Variants in SEZ6L observed in about 807,000 individuals in gnomAD.
SEZ6L encodes the protein seizure 6-like protein.
In SEZ6L, 37 loss-of-function variants were observed where a neutral mutation model predicts 106.2. That is an observed-to-expected ratio of 0.35 (90% CI 0.27 to 0.46). The LOEUF is 0.46. Ranked by LOEUF, SEZ6L falls within the 20% of genes least tolerant of loss-of-function variation. The pLI is 1.00. For synonymous variants in SEZ6L, 541 were observed against 570.4 expected, an observed-to-expected ratio of 0.95 and a Z score of 0.73; for missense variants, 1,172 against 1,332.8, an observed-to-expected ratio of 0.88 and a Z score of 1.88.
At chr22:26,374,247 C>T (rs1471022984) in intron 14 of SEZ6L, among the ~76,000 whole-genome samples, 3 of 148,126 alleles carry the variant, frequency 2.0e-5, no homozygotes. Context: ...AAAATATATA[C>T]TGTAATATAT....
intron 12 of SEZ6L, among the ~76,000 whole-genome samples, chr22:26,354,976 C>T (rs1027417491): frequency 1.3e-5 from 2 of 152,210 alleles, no homozygotes; most frequent in Non-Finnish European, 2.9e-5. Flanking sequence ...TGGGAGATAA[C>T]GCAGGAGGCG....
At chr22:26,227,571 A>T (rs1387689740) in intron 1 of SEZ6L, among the ~76,000 whole-genome samples, 2 of 142,762 alleles carry the variant, frequency 1.4e-5, no homozygotes, top group Non-Finnish European at 3.0e-5. Context: ...CATCATGCCC[A>T]GCTAATTTTT....
intron 9 of SEZ6L, among the ~76,000 whole-genome samples, chr22:26,320,611 A>T (rs2082127610): frequency 6.6e-6 from 1 of 152,216 alleles, no homozygotes; most frequent in African/African-American, 2.4e-5. Context: ...AGCAAGACAG[A>T]TGCAGCCCCG....
At chr22:26,171,088 T>A (rs1938572560) in intron 1 of SEZ6L, among the ~76,000 whole-genome samples, 1 of 152,208 alleles carries the variant, frequency 6.6e-6, no homozygotes, top group Non-Finnish European at 1.5e-5. Flanking sequence ...TCAGGCATTT[T>A]ATCCCCCATC....
intron 1 of SEZ6L, among the ~76,000 whole-genome samples, chr22:26,182,119 G>A (rs753998359): frequency 1.1e-4 from 16 of 152,182 alleles, no homozygotes; most frequent in Non-Finnish European, 2.4e-4. Flanking sequence ...CCAGATAGTA[G>A]AAACTCAATA....
rs138676083 is a variant in SEZ6L at position 26,358,693 on chromosome 22, C to T, written c.2600-6679C>T. Among the ~76,000 whole-genome samples the T allele has an allele frequency of 5.6e-3, 857 of 152,300 alleles. 2 individuals carry two copies. Among genetic ancestry groups the T allele is most frequent in the Non-Finnish European group, 9.7e-3 (658 of 68,030 alleles). On this transcript the variant is annotated intron_variant, in intron 12 of 16. Transcript: ENST00000248933. ...TCCTGGGAGAGAACGGCTGGAGTTA[C>T]ACCAGTTGCAACCCGAATTGTTTAA...
intron 1 of SEZ6L, among the ~76,000 whole-genome samples, chr22:26,179,868 C>T (rs1475450090): frequency 6.6e-6 from 1 of 152,194 alleles, no homozygotes; most frequent in African/African-American, 2.4e-5. Context: ...ATAATCACCA[C>T]ATGTGCACTC....
At chr22:26,339,443 A>G (rs1601542962) in intron 9 of SEZ6L, among the ~76,000 whole-genome samples, 1 of 152,224 alleles carries the variant, frequency 6.6e-6, no homozygotes, top group East Asian at 1.9e-4. Context: ...CATGTCTGAG[A>G]TGGCACATGT....
chr22:26,184,079 C>G (rs2123783195), intron 1 of SEZ6L, among the ~76,000 whole-genome samples: 1 of 152,162 alleles, frequency 6.6e-6, no homozygotes, highest in East Asian at 1.9e-4. Context: ...TTTATCCTGA[C>G]ATTGACATTT....
At chr22:26,225,456 G>T (rs1471118109) in intron 1 of SEZ6L, among the ~76,000 whole-genome samples, 1 of 152,160 alleles carries the variant, frequency 6.6e-6, no homozygotes, top group African/African-American at 2.4e-5. Flanking sequence ...AGGGTGGGGG[G>T]ATTTTTTTCA....
chr22:26,182,071 A>G (rs1446465626), intron 1 of SEZ6L, among the ~76,000 whole-genome samples: 4 of 152,156 alleles, frequency 2.6e-5, no homozygotes, highest in South Asian at 2.1e-4. Context: ...GCACTGTTTT[A>G]TCTCCCTCCC....
rs544993411 is a variant in SEZ6L at position 26,323,365 on chromosome 22, G to A, written c.2015+9463G>A. On this transcript the variant is annotated intron_variant, in intron 9 of 16. Coordinates refer to ENST00000248933, the MANE Select transcript of SEZ6L (RefSeq NM_021115.5). ...AGAGACGGTAAGGCTGGGCACAGTG[G>A]CTCATGCGTGTAATCCCAGCACTTT... 2.0e-5 allele frequency among the ~76,000 whole-genome samples: 3 copies of A among 152,346 alleles called. No homozygotes were observed. The South Asian group carries it at 6.2e-4, about 32-fold the overall frequency.
chr22:26,255,852 G>A (rs73879862), intron 1 of SEZ6L, among the ~76,000 whole-genome samples: 1,820 of 152,318 alleles, frequency 0.012, 38 homozygotes, highest in African/African-American at 0.042. Flanking sequence ...TGCCTTCGTG[G>A]AGCAGACAGC....
At chr22:26,304,362 AAAGAAAGAAGAAAGAAAG>A (rs1227099954) in intron 5 of SEZ6L, among the ~76,000 whole-genome samples, 2,501 of 127,838 alleles carry the variant, frequency 0.02, 93 homozygotes, top group Middle Eastern at 0.027. Context: ...AAAAAAAAAA[AAAGAAAGAAGAAAGAAAG>A]AAAGAAAGAA....
At chr22:26,329,190 G>C (rs1221824121) in intron 9 of SEZ6L, among the ~76,000 whole-genome samples, 1 of 152,184 alleles carries the variant, frequency 6.6e-6, no homozygotes, top group African/African-American at 2.4e-5. Flanking sequence ...GAAACAGGCT[G>C]GGCACGGTGG....
chr22:26,193,430 C>A (rs1363362450), intron 1 of SEZ6L, among the ~76,000 whole-genome samples: 2 of 152,180 alleles, frequency 1.3e-5, no homozygotes, highest in Non-Finnish European at 2.9e-5. Context: ...CTAGACAGAC[C>A]AATGGCTGAC....
chr22:26,265,856 C>T (rs963069064), intron 1 of SEZ6L, among the ~76,000 whole-genome samples: 11 of 152,160 alleles, frequency 7.2e-5, no homozygotes, highest in African/African-American at 2.7e-4. Flanking sequence ...CTCTGCTGCT[C>T]CCAGGCCTTC....
At chr22:26,176,468 A>T (rs908393664) in intron 1 of SEZ6L, among the ~76,000 whole-genome samples, 1 of 152,210 alleles carries the variant, frequency 6.6e-6, no homozygotes, top group African/African-American at 2.4e-5. Context: ...AGCCTCTTTC[A>T]TACCTACTTT....
intron 1 of SEZ6L, among the ~76,000 whole-genome samples, chr22:26,261,928 C>A (rs1402712780): frequency 9.2e-5 from 14 of 152,102 alleles, no homozygotes; most frequent in Non-Finnish European, 1.9e-4. Context: ...ACAGAGGAGA[C>A]CAGTGGATTT....
Sources: allele counts gnomAD v4.1 joint callset (sites outside exome capture counted in the v4.1 genomes callset), GRCh38; gene constraint gnomAD v4.1.1; transcripts MANE v1.5; gene names NCBI Gene and HGNC (gene_info 2026-07-23, HGNC 2026-07-21).